The following FGF12 variants were observed in gnomAD, a reference collection of about 807,000 sequenced individuals.
The protein encoded by FGF12 is fibroblast growth factor 12, also known as fibroblast growth factor 12B.
In FGF12, 14 loss-of-function variants were observed where a neutral mutation model predicts 23.6. That is an observed-to-expected ratio of 0.59 (90% CI 0.39 to 0.93). The LOEUF (loss-of-function observed/expected upper bound fraction) is 0.93. FGF12 is among the 40% of genes least tolerant of loss of function. The pLI is 0.00. For missense variants in FGF12, 175 were observed against 217.8 expected, an observed-to-expected ratio of 0.80 and a Z score of 1.24; for synonymous variants, 62 against 77.3, an observed-to-expected ratio of 0.80 and a Z score of 1.04.
At chr3:192,205,554 A>G (rs1717604537) in intron 4 of FGF12, among the ~76,000 whole-genome samples, 2 of 152,348 alleles carry the variant, frequency 1.3e-5, no homozygotes, top group Admixed American at 1.3e-4. Flanking sequence ...TTAAGTGCCC[A>G]GCAAGAAGAG....
Position 192,292,919 on chromosome 3 carries a change from C to T in FGF12, c.228+42442G>A, listed in dbSNP as rs78309961. 4.0e-3 allele frequency among the ~76,000 whole-genome samples: 612 copies of T among 152,166 alleles called. 3 individuals are homozygous for T. Among genetic ancestry groups the T allele is most frequent in the African/African-American group, 0.014 (591 of 41,516 alleles). On this transcript the variant is annotated intron_variant, in intron 4 of 5. Transcript: ENST00000445105. Reference sequence around the variant, plus strand: ...AGCCTCCTGAGTAGCTACAGGACTACAGGCATGTACCACTATGTCCAGCTA... The same window carrying T: ...AGCCTCCTGAGTAGCTACAGGACTATAGGCATGTACCACTATGTCCAGCTA...
intron 4 of FGF12, among the ~76,000 whole-genome samples, chr3:192,199,041 T>A (rs1252741820): frequency 1.3e-5 from 2 of 152,242 alleles, no homozygotes; most frequent in Non-Finnish European, 1.5e-5. Flanking sequence ...CTAATTTAGC[T>A]CTTCTCAGCA....
chr3:192,262,874 TAC>T (rs368622682), intron 4 of FGF12, among the ~76,000 whole-genome samples: 3 of 150,320 alleles, frequency 2.0e-5, no homozygotes, highest in Non-Finnish European at 4.5e-5. Flanking sequence ...TACTCCCCCA[TAC>T]ACACACACAC....
At chr3:192,544,854 A>G (rs1725458150) in intron 2 of FGF12, among the ~76,000 whole-genome samples, 1 of 152,138 alleles carries the variant, frequency 6.6e-6, no homozygotes, top group East Asian at 1.9e-4. Flanking sequence ...AGTATAGCAG[A>G]CCTTTGTATT....
At chr3:192,529,544 C>CT (rs1468079342) in intron 2 of FGF12, among the ~76,000 whole-genome samples, 1 of 152,208 alleles carries the variant, frequency 6.6e-6, no homozygotes, top group Non-Finnish European at 1.5e-5. Context: ...TTTAGGGTAT[C>CT]TTTTCAGCAG....
chr3:192,250,775 T>C (rs1354204807), intron 4 of FGF12, among the ~76,000 whole-genome samples: 1 of 152,048 alleles, frequency 6.6e-6, no homozygotes, highest in African/African-American at 2.4e-5. Context: ...GGCAAATAAA[T>C]CTATTTTGAA....
chr3:192,447,574 G>C (rs1205806039), intron 2 of FGF12, among the ~76,000 whole-genome samples: 2 of 152,110 alleles, frequency 1.3e-5, no homozygotes, highest in Non-Finnish European at 2.9e-5. Flanking sequence ...CAATAATACA[G>C]TGCATTCAGA....
chr3:192,202,309 A>G (rs951171726), intron 4 of FGF12, among the ~76,000 whole-genome samples: 1 of 152,198 alleles, frequency 6.6e-6, no homozygotes, highest in Non-Finnish European at 1.5e-5. Context: ...GGAAAGATCT[A>G]AACAGAGTTT....
At chr3:192,442,136 G>C (rs1447179746) in intron 2 of FGF12, among the ~76,000 whole-genome samples, 1 of 152,184 alleles carries the variant, frequency 6.6e-6, no homozygotes, top group Non-Finnish European at 1.5e-5. Flanking sequence ...AAAATAAACT[G>C]CCAGAGGTGA....
chr3:192,188,010 C>T (rs1716570336), intron 4 of FGF12, among the ~76,000 whole-genome samples: 1 of 152,136 alleles, frequency 6.6e-6, no homozygotes, highest in Non-Finnish European at 1.5e-5. Context: ...ATTCTAGTCC[C>T]AGGAGTTTCA....
In FGF12 at chr3:192,551,949, A is replaced by C. The variant is rs556441340; in HGVS notation, c.13+175232T>G. ...ATAAAGACCTTAAAAGTGGATAAAT[A>C]TAGATATATAGGTGGATATGTTATT... is the stretch of plus-strand genomic sequence containing the variant. On this transcript the variant is annotated intron_variant, in intron 2 of 5. Transcript: ENST00000445105. Among the ~76,000 whole-genome samples the C allele has an allele frequency of 3.9e-5, 6 of 152,282 alleles. No homozygotes were observed. The East Asian group carries it at 9.6e-4, about 24-fold the overall frequency.
intron 4 of FGF12, among the ~76,000 whole-genome samples, chr3:192,303,131 CCAAATTCTG>C (rs1715433858): frequency 6.6e-6 from 1 of 152,130 alleles, no homozygotes; most frequent in Non-Finnish European, 1.5e-5. Flanking sequence ...AGAGCTGGAA[CCAAATTCTG>C]CATTTCATAT....
chr3:192,494,194 G>GT (rs1723882491), intron 2 of FGF12, among the ~76,000 whole-genome samples: 1 of 152,006 alleles, frequency 6.6e-6, no homozygotes. Context: ...TCTTCCTCTC[G>GT]TAACATCTTA....
At chr3:192,640,668 T>C (rs1715758032) in intron 2 of FGF12, among the ~76,000 whole-genome samples, 1 of 152,202 alleles carries the variant, frequency 6.6e-6, no homozygotes, top group South Asian at 2.1e-4. Flanking sequence ...AATAAAAATT[T>C]TGGTTGGTAA....
intron 4 of FGF12, among the ~76,000 whole-genome samples, chr3:192,223,650 G>A (rs1057350356): frequency 8.6e-5 from 13 of 151,990 alleles, no homozygotes; most frequent in East Asian, 1.9e-4. Flanking sequence ...ATCCAGGCTC[G>A]GATGATAAAT....
intron 4 of FGF12, among the ~76,000 whole-genome samples, chr3:192,313,566 A>C (rs1338034080): frequency 2.6e-5 from 4 of 152,256 alleles, no homozygotes; most frequent in Non-Finnish European, 4.4e-5. Flanking sequence ...TCAAGCAATA[A>C]GCTTCTGTTT....
At chr3:192,148,815 G>A (rs1006945573) in intron 5 of FGF12, among the ~76,000 whole-genome samples, 10 of 152,174 alleles carry the variant, frequency 6.6e-5, no homozygotes, top group African/African-American at 1.7e-4. Context: ...GGTACAGGGC[G>A]AGGAAAAGGA....
In FGF12 at chr3:192,488,601, A is replaced by G. The variant is rs145351225; in HGVS notation, c.14-128063T>C. ...TGTCAACTCTTGCCAAATTAATTCT[A>G]CCACCTTATCACCAAACTAAATATT... On this transcript the variant is annotated intron_variant, in intron 2 of 5. Transcript: ENST00000445105. Among the ~76,000 whole-genome samples the G allele has an allele frequency of 2.6e-3, 390 of 152,208 alleles. 1 individual carries two copies. The highest frequency in any genetic ancestry group is 0.01 in the Middle Eastern group (3 of 294).
intron 2 of FGF12, among the ~76,000 whole-genome samples, chr3:192,698,208 A>G (rs1224129943): frequency 6.6e-6 from 1 of 152,220 alleles, no homozygotes; most frequent in Admixed American, 6.5e-5. Context: ...TAATCAATTA[A>G]TAAGAGGGTT....
Sources: gnomAD v4.1 joint callset for allele counts (sites outside exome capture counted in the v4.1 genomes callset) on GRCh38, gnomAD v4.1.1 for gene constraint, MANE v1.5 for transcripts, NCBI Gene and HGNC (gene_info 2026-07-23, HGNC 2026-07-21) for gene names.